RNF125: variants seen among roughly 807,000 people sequenced by gnomAD.
The protein encoded by RNF125 is ring finger protein 125.
RNF125 carries 21 observed loss-of-function variants against 26.0 expected under a neutral mutation model. The observed-to-expected ratio is 0.81, with a 90% CI of 0.57 to 1.16. RNF125 has a LOEUF of 1.16. Among genes scored for constraint, RNF125 ranks in the 50% most tolerant of loss-of-function variants. RNF125 has a pLI of 0.00. For synonymous variants in RNF125, 95 were observed against 109.2 expected (o/e 0.87, Z 0.81); for missense variants, 270 against 299.4 (o/e 0.90, Z 0.72).
At chr18:32,078,028 G>A (rs1422011108), downstream of RNF125, among the ~76,000 whole-genome samples, 1 of 152,006 alleles carries the variant, frequency 6.6e-6, no homozygotes, top group African/African-American at 2.4e-5. Context: ...GGGCTCAAGT[G>A]ACCCTCCCAC....
intron 5 of RNF125, among the ~76,000 whole-genome samples, chr18:32,067,834 A>G (rs750178739): frequency 2.0e-5 from 3 of 152,208 alleles, no homozygotes; most frequent in Non-Finnish European, 1.5e-5. Flanking sequence ...ATGTGCTGAC[A>G]TAGAATTTTG....
intron 1 of RNF125, among the ~76,000 whole-genome samples, chr18:32,020,364 AT>A (rs1191235335): frequency 6.7e-6 from 1 of 149,798 alleles, no homozygotes; most frequent in East Asian, 2.1e-4. Context: ...CTTTGCTTTG[AT>A]TTTTTTTCGT....
intron 1 of RNF125, among the ~76,000 whole-genome samples, chr18:32,027,729 A>G (rs2039050780): frequency 6.6e-6 from 1 of 152,182 alleles, no homozygotes; most frequent in South Asian, 2.1e-4. Context: ...TTTTCTCCTA[A>G]AGATTCGATA....
intron 5 of RNF125, among the ~76,000 whole-genome samples, chr18:32,066,896 A>G (rs1332924117): frequency 6.6e-6 from 1 of 152,162 alleles, no homozygotes; most frequent in Non-Finnish European, 1.5e-5. Flanking sequence ...TTTGTGGCCC[A>G]TATGGCACAC....
chr18:32,087,928 T>C, the RNF125 span, among the ~76,000 whole-genome samples: 5 of 152,206 alleles, frequency 3.3e-5, no homozygotes, highest in Non-Finnish European at 5.9e-5. Flanking sequence ...CCTGTCTTGC[T>C]GCTGCCCAAG....
the RNF125 span, among the ~76,000 whole-genome samples, chr18:32,084,262 G>C: frequency 6.6e-6 from 1 of 152,166 alleles, no homozygotes; most frequent in Non-Finnish European, 1.5e-5. Flanking sequence ...GGCTGAGGCA[G>C]GGGAATCGCT....
chr18:32,020,729 T>C (rs2038978815), intron 1 of RNF125, among the ~76,000 whole-genome samples: 2 of 151,436 alleles, frequency 1.3e-5, no homozygotes, highest in South Asian at 4.2e-4. Context: ...GCCGACATGG[T>C]GAAACCTCGT....
chr18:32,081,935 G>A, the RNF125 span, among the ~76,000 whole-genome samples: 1 of 152,300 alleles, frequency 6.6e-6, no homozygotes, highest in South Asian at 2.1e-4. Flanking sequence ...TCCAAATGAA[G>A]AAAGTAATCA....
Position 32,032,540 on chromosome 18 carries a change from TC to T in RNF125, c.165-4570del, listed in dbSNP as rs2039107847. On this transcript the variant is annotated intron_variant, in intron 1 of 5. Coordinates refer to ENST00000217740, the MANE Select transcript of RNF125 (RefSeq NM_017831.4). The stretch of plus-strand genomic sequence containing the variant: ...GCACTTTCTATTTATGTGATTTTTT[TC>T]CCCCCAAGCCAAACTTTATCCAGCT... Among the ~76,000 whole-genome samples the T allele has an allele frequency of 2.0e-5, 3 of 151,962 alleles. No homozygotes were observed. In the South Asian group the frequency reaches 6.2e-4, roughly 32 times the overall value.
chr18:32,084,962 A>G, the RNF125 span, among the ~76,000 whole-genome samples: 2 of 152,356 alleles, frequency 1.3e-5, no homozygotes, highest in South Asian at 4.1e-4. Context: ...TCTATAGTTA[A>G]TTTAATCTCA....
chr18:32,065,474 G>A (rs1163117061), intron 4 of RNF125, among the ~76,000 whole-genome samples: 1 of 151,860 alleles, frequency 6.6e-6, no homozygotes, highest in Non-Finnish European at 1.5e-5. Context: ...CTGACCTCGT[G>A]ATCCACCCGC....
At chr18:32,042,371 A>G (rs2039229756) in intron 3 of RNF125, 98 bp downstream of exon 3, 3 of 753,630 alleles carry the variant, frequency 4.0e-6, no homozygotes, top group Non-Finnish European at 2.2e-6. Context: ...AAATATTTAC[A>G]TATTTATGTT....
chr18:32,051,844 T>C (rs2039331873), intron 4 of RNF125, among the ~76,000 whole-genome samples: 1 of 151,410 alleles, frequency 6.6e-6, no homozygotes, highest in Non-Finnish European at 1.5e-5. Context: ...CATGCACCAC[T>C]GCACCCAGCT....
At chr18:32,037,347 G>A in intron 2 of RNF125, 78 bp downstream of exon 2, 1 of 663,808 alleles carries the variant, frequency 1.5e-6, no homozygotes, top group Non-Finnish European at 2.4e-6. Flanking sequence ...CTCTGCTTCT[G>A]ACCCCATGGT....
downstream of RNF125, chr18:32,076,303 G>GT (rs200332934): frequency 5.3e-3 from 1,649 of 308,834 alleles, 26 homozygotes; most frequent in African/African-American, 0.033. Flanking sequence ...GTGGAAAGAG[G>GT]TTTTTTTTGG....
Position 32,028,254 on chromosome 18 carries a change from C to T in RNF125, c.165-8862C>T, listed in dbSNP as rs1480467351. ...CAGAGCTTGCAGTGAGCCGAGATTGCACCACGGCACTCCAGCCTGGGCAAC... is the reference window on the plus strand; with the variant it reads ...CAGAGCTTGCAGTGAGCCGAGATTGTACCACGGCACTCCAGCCTGGGCAAC... On this transcript the variant is annotated intron_variant, in intron 1 of 5. Coordinates refer to ENST00000217740, the MANE Select transcript of RNF125 (RefSeq NM_017831.4). Among the ~76,000 whole-genome samples, 13 of 140,170 alleles carry T rather than the reference C, an allele frequency of 9.3e-5. No individual in the cohort carries two copies. In the Admixed American group the frequency reaches 9.9e-4, roughly 11 times the overall value. The allele number at this position is 140,170 out of a possible 152,430, so 92.0% of individuals were successfully genotyped here.
At chr18:32,031,502 A>G (rs2039095129) in intron 1 of RNF125, 1 of 151,010 alleles carries the variant, frequency 6.6e-6, no homozygotes, top group Admixed American at 6.6e-5. Flanking sequence ...AAAAAAAAAA[A>G]AAAAAAAAAA....
chr18:32,036,454 A>C (rs2144461463), intron 1 of RNF125, among the ~76,000 whole-genome samples: 1 of 151,788 alleles, frequency 6.6e-6, no homozygotes, highest in East Asian at 1.9e-4. Flanking sequence ...TGGAGTCTTC[A>C]ACAACTCCTA....
At chr18:32,066,048 C>T in intron 5 of RNF125, 39 bp downstream of exon 5, 1 of 1,320,798 alleles carries the variant, frequency 7.6e-7, no homozygotes, top group Non-Finnish European at 1.1e-6. Flanking sequence ...TGTTTTCATG[C>T]TGTCTTGTTA....
Sources: allele counts gnomAD v4.1 joint callset (sites outside exome capture counted in the v4.1 genomes callset), GRCh38; gene constraint gnomAD v4.1.1; transcripts MANE v1.5; gene names NCBI Gene and HGNC (gene_info 2026-07-23, HGNC 2026-07-21).